LAPTM4A: variants seen among roughly 807,000 people sequenced by gnomAD.
LAPTM4A encodes the protein lysosomal-associated transmembrane protein 4A.
In LAPTM4A, 19 loss-of-function variants were observed where a neutral mutation model predicts 29.9. The ratio of observed to expected loss-of-function variants is 0.64; its 90% CI spans 0.44 to 0.93. The LOEUF (loss-of-function observed/expected upper bound fraction) is 0.93. Ranked by LOEUF, LAPTM4A falls within the 40% of genes least tolerant of loss-of-function variation. The probability of loss-of-function intolerance (pLI) is 0.00; values close to 1 mark genes in which losing one functional copy is unlikely to be tolerated. For synonymous variants in LAPTM4A, 105 were observed against 102.1 expected (o/e 1.03, Z -0.17); for missense variants, 293 against 288.5 (o/e 1.02, Z -0.11).
chr2:20,037,578 A>G lies in LAPTM4A; in HGVS notation c.269T>C (p.Met90Thr), dbSNP rs745313311. 5 of 1,609,732 alleles carry G rather than the reference A, an allele frequency of 3.1e-6. No homozygotes were observed. The highest frequency in any genetic ancestry group is 2.2e-5 in the South Asian group (2 of 90,076). Residue 90 changes from methionine to threonine, a missense_variant, in exon 3 of 7, where the codon ATG becomes ACG. Met to Thr is a moderately conservative substitution (Grantham distance 81). Transcript: ENST00000175091. ...AACCAGCATTGAACTGATTATAAAC[A>G]TAAGAACAGAGACGGCAAAAAGAAC... ...ACVLFAVSVL[M>T]FIISSMLVYG...
At chr2:20,049,085 A>G (rs1449002404) in intron 1 of LAPTM4A, among the ~76,000 whole-genome samples, 3 of 152,180 alleles carry the variant, frequency 2.0e-5, no homozygotes, top group Non-Finnish European at 4.4e-5. Context: ...TCACTGTACC[A>G]TATGTTTTTC....
intron 1 of LAPTM4A, among the ~76,000 whole-genome samples, chr2:20,051,094 T>C (rs1282574199): frequency 2.0e-5 from 3 of 152,084 alleles, no homozygotes; most frequent in Non-Finnish European, 4.4e-5. Flanking sequence ...AACAGAGGAA[T>C]TCCCACCAAA....
chr2:20,033,034 A>G lies in LAPTM4A; in HGVS notation c.*171T>C, dbSNP rs1017724163. 13 of 599,684 alleles carry G rather than the reference A, an allele frequency of 2.2e-5. No individual in the cohort carries two copies. Among genetic ancestry groups the G allele is most frequent in the Non-Finnish European group, 3.3e-5 (11 of 335,054 alleles). 37.1% of individuals were successfully genotyped at this position (599,684 alleles called of 1,614,324 possible). On this transcript the variant is annotated 3_prime_UTR_variant, in exon 7 of 7. Transcript: ENST00000175091. ...ATGTAAAAGACTTAACAAAAAAACA[A>G]AAAGACGTTTAACAGATGTCAAAAA...
At chr2:20,047,084 C>CA (rs1673940991) in intron 1 of LAPTM4A, among the ~76,000 whole-genome samples, 1 of 151,992 alleles carries the variant, frequency 6.6e-6, no homozygotes, top group South Asian at 2.1e-4. Flanking sequence ...ACAGATCCCC[C>CA]TGGCTAGGAA....
chr2:20,033,960 G>C lies in LAPTM4A; in HGVS notation c.627+357C>G, dbSNP rs140704251. On this transcript the variant is annotated intron_variant, in intron 6 of 6. Transcript: ENST00000175091. Reference sequence around the variant, plus strand: ...GTCAGCTCCCCCGTTGGATCATATGGATGTTTTCTGAAAACAACACAAGTT... The same window carrying C: ...GTCAGCTCCCCCGTTGGATCATATGCATGTTTTCTGAAAACAACACAAGTT... 3.9e-5 allele frequency among the ~76,000 whole-genome samples: 6 copies of C among 152,270 alleles called. No homozygotes were observed. In the East Asian group the frequency reaches 1.2e-3, roughly 29 times the overall value.
chr2:20,037,330 A>G lies in LAPTM4A; in HGVS notation c.418T>C (p.Tyr140His). The stretch of plus-strand genomic sequence containing the variant: ...TACACACTTACTAGTTGATCCAGAT[A>G]TTCTTTGATTCTTGGCAAATAGGTG... ...SLTYLPRIKE[Y>H]LDQLPDFPYK... Residue 140 changes from tyrosine (Y) to histidine (H), a missense_variant, in exon 4 of 7, where the codon TAT becomes CAT. Coordinates refer to ENST00000175091, the MANE Select transcript of LAPTM4A (RefSeq NM_014713.5). 6.2e-7 allele frequency: 1 copy of G among 1,611,522 alleles called. No individual in the cohort carries two copies. Among genetic ancestry groups the G allele is most frequent in the Non-Finnish European group, 8.5e-7 (1 of 1,178,896 alleles).
chr2:20,050,231 G>A (rs575895115), intron 1 of LAPTM4A, among the ~76,000 whole-genome samples: 1 of 152,310 alleles, frequency 6.6e-6, no homozygotes, highest in African/African-American at 2.4e-5. Context: ...GTAGTCCCCC[G>A]GGGGTGGGCC....
rs774116432 is a variant in LAPTM4A at position 20,034,357 on chromosome 2, G to A, written c.587C>T (p.Pro196Leu). ...CYKYINNRNV[P>L]EIAVYPAFEA... ...AAAGGCAGGGTACACAGCAATCTCC[G>A]GCACGTTTCGGTTGTTGATGTATTT... Residue 196 changes from proline (P) to leucine (L), a missense_variant, in exon 6 of 7, where the codon CCG (proline) becomes CTG (leucine). Coordinates refer to ENST00000175091, the MANE Select transcript of LAPTM4A (RefSeq NM_014713.5). The A allele has an allele frequency of 1.2e-4, 197 of 1,613,844 alleles. No individual in the cohort carries two copies. Among genetic ancestry groups the A allele is most frequent in the East Asian group, 3.3e-4 (15 of 44,898 alleles).
At position 20,037,593 on chromosome 2, in the gene LAPTM4A, G is replaced by T; in HGVS notation, c.254C>A (p.Ala85Asp). The T allele has an allele frequency of 6.2e-7, 1 of 1,605,564 alleles. No homozygotes were observed. ...RMADNACVLF[A>D]VSVLMFIISS... ...GATTATAAACATAAGAACAGAGACG[G>T]CAAAAAGAACACAGGCATTATCTAA... The change falls in exon 3 of 7, where the codon GCC becomes GAC. Residue 85 changes from alanine to aspartate, a missense_variant. By Grantham distance (126) the Ala-to-Asp change is moderately radical. Transcript: ENST00000175091.
intron 1 of LAPTM4A, among the ~76,000 whole-genome samples, chr2:20,049,640 C>G (rs1395852874): frequency 6.6e-6 from 1 of 152,174 alleles, no homozygotes; most frequent in Admixed American, 6.5e-5. Context: ...AGAAATACAG[C>G]CAATTACATT....
Position 20,037,626 on chromosome 2 carries a change from A to G in LAPTM4A, c.233-12T>C, listed in dbSNP as rs759545613. 5 of 1,571,022 alleles carry G rather than the reference A, an allele frequency of 3.2e-6. No individual in the cohort carries two copies. Among genetic ancestry groups the G allele is most frequent in the Non-Finnish European group, 4.3e-6 (5 of 1,153,410 alleles). ...AACACAGGCATTATCTAAGAAAACA[A>G]AAACAAAAATCTAATTAAGCTACTT... On this transcript the variant is annotated splice_polypyrimidine_tract_variant and intron_variant, in intron 2 of 6. Coordinates refer to ENST00000175091, the MANE Select transcript of LAPTM4A (RefSeq NM_014713.5).
rs1673701725 is a variant in LAPTM4A at position 20,037,412 on chromosome 2, G to A, written c.336C>T (p.Phe112=). The A allele has an allele frequency of 1.2e-6, 2 of 1,612,072 alleles. No individual in the cohort carries two copies. Among genetic ancestry groups the A allele is most frequent in the African/African-American group, 1.3e-5 (1 of 74,756 alleles). ...CGAAGTCAAAAAGTCGGTAACAGAA[G>A]AATGGAATCAGCCAACCCACTTGAT... ...ISYQVGWLIP[F]FCYRLFDFVL... Residue 112 remains phenylalanine (F), a synonymous_variant, in exon 4 of 7, where the codon TTC becomes TTT. Coordinates refer to ENST00000175091, the MANE Select transcript of LAPTM4A (RefSeq NM_014713.5).
intron 1 of LAPTM4A, among the ~76,000 whole-genome samples, chr2:20,045,766 A>G (rs1408530484): frequency 6.6e-6 from 1 of 152,172 alleles, no homozygotes; most frequent in South Asian, 2.1e-4. Context: ...TCACTGCCAC[A>G]CCTATTCCAG....
intron 1 of LAPTM4A, among the ~76,000 whole-genome samples, chr2:20,045,550 T>C (rs1673899724): frequency 6.6e-6 from 1 of 152,192 alleles, no homozygotes; most frequent in Non-Finnish European, 1.5e-5. Flanking sequence ...TTTAGCAGCA[T>C]GGGCTGCGGA....
rs755461701 is a variant in LAPTM4A at position 20,044,799 on chromosome 2, C to A, written c.112-3788G>T. Among the ~76,000 whole-genome samples the A allele has an allele frequency of 1.3e-3, 192 of 152,224 alleles. 1 individual carries two copies. Among genetic ancestry groups the A allele is most frequent in the Non-Finnish European group, 7.2e-4 (49 of 68,040 alleles). On this transcript the variant is annotated intron_variant, in intron 1 of 6. Coordinates refer to ENST00000175091, the MANE Select transcript of LAPTM4A (RefSeq NM_014713.5). ...AATTTCAATGCTACTTCATTAAAAG[C>A]TTTTTCCAAATCTTCTTTGAGTTAA...
At chr2:20,049,071 C>A (rs1276938154) in intron 1 of LAPTM4A, among the ~76,000 whole-genome samples, 1 of 152,188 alleles carries the variant, frequency 6.6e-6, no homozygotes, top group Non-Finnish European at 1.5e-5. Flanking sequence ...TCTCCTCCTC[C>A]TCATCACTGT....
intron 2 of LAPTM4A, among the ~76,000 whole-genome samples, chr2:20,039,389 C>G (rs552896642): frequency 6.6e-6 from 1 of 152,180 alleles, no homozygotes; most frequent in South Asian, 2.1e-4. Context: ...CAGGTAAAAA[C>G]AAAATATGAA....
intron 1 of LAPTM4A, among the ~76,000 whole-genome samples, chr2:20,045,911 C>T (rs1459743379): frequency 6.6e-6 from 1 of 152,140 alleles, no homozygotes; most frequent in Non-Finnish European, 1.5e-5. Flanking sequence ...AAGGGCTTCC[C>T]ATGCAGAGAA....
At chr2:20,033,387 A>G in intron 6 of LAPTM4A, 108 bp from the exon 7 acceptor site, 1 of 816,024 alleles carries the variant, frequency 1.2e-6, no homozygotes, top group Non-Finnish European at 2.1e-6. Flanking sequence ...ACAAAACCAT[A>G]AAGAAGAGCT....
Sources: allele counts gnomAD v4.1 joint callset (sites outside exome capture counted in the v4.1 genomes callset), GRCh38; gene constraint gnomAD v4.1.1; transcripts MANE v1.5; gene names NCBI Gene and HGNC (gene_info 2026-07-23, HGNC 2026-07-21).